Variants in PCDHGC3 observed in about 807,000 individuals in gnomAD.
PCDHGC3 encodes the protein protocadherin gamma subfamily C, 3, also known as protocadherin gamma-C3.
In PCDHGC3, 26 loss-of-function variants were observed where a neutral mutation model predicts 59.2. The observed-to-expected ratio is 0.44, with a 90% CI of 0.32 to 0.61. PCDHGC3 has a LOEUF of 0.61. Ranked by LOEUF, PCDHGC3 falls within the 20% of genes least tolerant of loss-of-function variation. The pLI, the probability that PCDHGC3 is intolerant of heterozygous loss-of-function variation, is 0.05. For synonymous variants in PCDHGC3, 487 were observed against 519.7 expected, an observed-to-expected ratio of 0.94 and a Z score of 0.86; for missense variants, 1,080 against 1,221.8, an observed-to-expected ratio of 0.88 and a Z score of 1.73.
In PCDHGC3 at chr5:141,491,856, C is replaced by A. The variant is rs754113958; in HGVS notation, c.2431-2951C>A. On this transcript the variant is annotated intron_variant, in intron 1 of 3. Coordinates refer to ENST00000308177, the MANE Select transcript of PCDHGC3 (RefSeq NM_002588.4). This position sits in a 1 kb window ranked among gnomAD's most constrained non-coding sequence, Gnocchi z 6.9. ...TCTCGGGATCATTGGACCGTTTGCG[C>A]GAAACCAGAGTGGCCGATTAAGGGA... 6.9e-7 allele frequency: 1 copy of A among 1,458,728 alleles called. No individual in the cohort carries two copies. The highest frequency in any genetic ancestry group is 9.1e-7 in the Non-Finnish European group (1 of 1,103,072). The allele number at this position is 1,458,728 out of a possible 1,614,324, so 90.4% of individuals were successfully genotyped here. A position where few individuals can be genotyped will look rare whatever the true frequency, so the allele number is the denominator to read the frequency against.
In PCDHGC3 at chr5:141,478,533, C is replaced by G; in HGVS notation, c.2417C>G (p.Ala806Gly). The G allele has an allele frequency of 6.2e-7, 1 of 1,608,070 alleles. No individual in the cohort carries two copies. The highest frequency in any genetic ancestry group is 1.3e-5 in the African/African-American group (1 of 74,956). ...AGGCAGGTGTTGGGTGCAGAGAGCG[C>G]CCCTCCCGGACAGGTAAGGTTTAGC... The part of the protein sequence containing the change: ...FYRQVLGAES[A>G]PPGQQAPPNT... Residue 806 changes from alanine (A) to glycine (G), a missense_variant, in exon 1 of 4, where the codon GCC becomes GGC. Physicochemically the swap from Ala to Gly is moderately conservative, Grantham distance 60 (BLOSUM62 0). Coordinates refer to ENST00000308177, the MANE Select transcript of PCDHGC3 (RefSeq NM_002588.4).
rs2099427993 is a variant in PCDHGC3, at chr5:141,477,978, T to C, written c.1862T>C (p.Ile621Thr). Reference sequence around the variant, plus strand: ...TCCCCTAACCAGAGCCTTTTTGCCATAGGGCTGCACACTGGTCAAATCAGT... The same window carrying C: ...TCCCCTAACCAGAGCCTTTTTGCCACAGGGCTGCACACTGGTCAAATCAGT... ...LGSPNQSLFA[I>T]GLHTGQISTA... Residue 621 changes from isoleucine to threonine, a missense_variant, in exon 1 of 4, where the codon ATA becomes ACA. Ile to Thr is a moderately conservative substitution (Grantham distance 89, BLOSUM62 -1). Coordinates refer to ENST00000308177, the MANE Select transcript of PCDHGC3 (RefSeq NM_002588.4). This position sits in a 1 kb window ranked among gnomAD's most constrained non-coding sequence, Gnocchi z 4.9. 6.2e-7 allele frequency: 1 copy of C among 1,614,120 alleles called. No individual in the cohort carries two copies. Among genetic ancestry groups the C allele is most frequent in the Non-Finnish European group, 8.5e-7 (1 of 1,180,022 alleles).
chr5:141,506,177 G>A (rs1024892091), intron 3 of PCDHGC3, among the ~76,000 whole-genome samples: 16 of 152,142 alleles, frequency 1.1e-4, no homozygotes, highest in Admixed American at 4.6e-4. Flanking sequence ...TAAGCTGGGC[G>A]TGGTGGCTCA....
chr5:141,477,184 C>T lies in PCDHGC3; in HGVS notation c.1068C>T (p.Ser356=). The change falls in exon 1 of 4, where the codon TCC becomes TCT. Residue 356 remains serine (S), a synonymous_variant. Coordinates refer to ENST00000308177, the MANE Select transcript of PCDHGC3 (RefSeq NM_002588.4). The surrounding 1 kb of genome is among the most constrained non-coding windows in gnomAD (Gnocchi z 4.9). ...ACGCCCCGGAGATCACAGTCACCTC[C>T]GTGTACAGCCCAGTACCCGAGGATG... ...NDNAPEITVT[S]VYSPVPEDAP... is the part of the protein sequence containing the mutation. The T allele has an allele frequency of 3.7e-6, 6 of 1,614,178 alleles. No individual in the cohort carries two copies. Among genetic ancestry groups the T allele is most frequent in the Non-Finnish European group, 5.1e-6 (6 of 1,180,032 alleles).
At chr5:141,480,956 C>G (rs2099528870) in intron 1 of PCDHGC3, among the ~76,000 whole-genome samples, 1 of 152,064 alleles carries the variant, frequency 6.6e-6, no homozygotes, top group South Asian at 2.1e-4. Flanking sequence ...GAGGCGGAAG[C>G]ATCAGTGAGG....
In PCDHGC3 at chr5:141,505,419, C is replaced by T; in HGVS notation, c.2516C>T (p.Thr839Ile). 3 of 1,614,258 alleles carry T rather than the reference C, an allele frequency of 1.9e-6. No homozygotes were observed. Among genetic ancestry groups the T allele is most frequent in the Non-Finnish European group, 2.5e-6 (3 of 1,180,054 alleles). Residue 839 changes from threonine to isoleucine, a missense_variant, in exon 3 of 4, where the codon ACC becomes ATC. By Grantham distance (89) the Thr-to-Ile change is moderately conservative. Transcript: ENST00000308177. The part of the protein sequence containing the change: ...SGSQNGDDTG[T>I]WPNNQFDTEM... ...TCCCAAAATGGCGATGACACCGGCA[C>T]CTGGCCCAACAACCAGTTTGACACA...
intron 2 of PCDHGC3, among the ~76,000 whole-genome samples, chr5:141,503,984 C>T (rs967348519): frequency 2.0e-5 from 3 of 152,184 alleles, no homozygotes; most frequent in African/African-American, 7.2e-5. Context: ...AACCCTTCTT[C>T]TTACCTTACA....
chr5:141,478,497 CGGTGTTCTATAGGCA>C lies in PCDHGC3; in HGVS notation c.2388_2402del (p.Phe796_Val800del). ...CAGAACACGCTGCGGAGCTGTGATC[CGGTGTTCTATAGGCA>C]GGTGTTGGGTGCAGAGAGCGCCCCT... On this transcript the variant is annotated inframe_deletion, in exon 1 of 4. Coordinates refer to ENST00000308177, the MANE Select transcript of PCDHGC3 (RefSeq NM_002588.4). 6.2e-7 allele frequency: 1 copy of C among 1,612,820 alleles called. No homozygotes were observed. The highest frequency in any genetic ancestry group is 1.1e-5 in the South Asian group (1 of 90,992).
rs2154581798 is a variant in PCDHGC3, at chr5:141,489,799, G to T, written c.2431-5008G>T. 1 of 1,614,192 alleles carries T rather than the reference G, an allele frequency of 6.2e-7. No homozygotes were observed. The highest frequency in any genetic ancestry group is 2.2e-5 in the East Asian group (1 of 44,884). On this transcript the variant is annotated intron_variant, in intron 1 of 3. Coordinates refer to ENST00000308177, the MANE Select transcript of PCDHGC3 (RefSeq NM_002588.4). The surrounding 1 kb of genome is among the most constrained non-coding windows in gnomAD (Gnocchi z 4.5). Reference sequence around the variant, plus strand: ...CTCTCTGAATGTGAAGACCCTAAAAGATGGGAAGCCATTCCCAGAGCTGGT... The same window carrying T: ...CTCTCTGAATGTGAAGACCCTAAAATATGGGAAGCCATTCCCAGAGCTGGT...
intron 2 of PCDHGC3, among the ~76,000 whole-genome samples, chr5:141,501,528 A>G (rs1173385747): frequency 6.6e-6 from 1 of 151,978 alleles, no homozygotes; most frequent in Non-Finnish European, 1.5e-5. Context: ...GAAGCCCAGT[A>G]CGTTGTTGTG....
rs750804901 is a variant in PCDHGC3 at position 141,476,422 on chromosome 5, C to G, written c.306C>G (p.Pro102=). Residue 102 remains proline (P), a synonymous_variant, in exon 1 of 4, where the codon CCC becomes CCG. Coordinates refer to ENST00000308177, the MANE Select transcript of PCDHGC3 (RefSeq NM_002588.4). The surrounding 1 kb of genome is among the most constrained non-coding windows in gnomAD (Gnocchi z 7.6). ...GAGAGGAGCTGTGTGGGACACTGCC[C>G]TCTTGCACTGTAACTCTGGAGTTGG... ...LDREELCGTL[P]SCTVTLELVV... 17 of 1,614,026 alleles carry G rather than the reference C, an allele frequency of 1.1e-5. No individual in the cohort carries two copies. The highest frequency in any genetic ancestry group is 1.4e-5 in the Non-Finnish European group (17 of 1,180,030).
In PCDHGC3 at chr5:141,490,108, C is replaced by A; in HGVS notation, c.2431-4699C>A. The A allele has an allele frequency of 6.2e-7, 1 of 1,614,244 alleles. No homozygotes were observed. The highest frequency in any genetic ancestry group is 8.5e-7 in the Non-Finnish European group (1 of 1,180,034). On this transcript the variant is annotated intron_variant, in intron 1 of 3. Transcript: ENST00000308177. This position sits in a 1 kb window ranked among gnomAD's most constrained non-coding sequence, Gnocchi z 5.4. The stretch of plus-strand genomic sequence containing the variant: ...TGGAGACCACACATCTGAGGCAGTG[C>A]GGAACCTCTTTGGCCTAGACCCTAG...
chr5:141,500,680 T>C (rs999167635), intron 2 of PCDHGC3, among the ~76,000 whole-genome samples: 7 of 152,224 alleles, frequency 4.6e-5, no homozygotes, highest in Non-Finnish European at 7.3e-5. Context: ...AACAGAATTA[T>C]AGCTTTTTTC....
chr5:141,494,745 G>C, intron 1 of PCDHGC3, 62 bp from the exon 2 acceptor site: 1 of 1,612,802 alleles, frequency 6.2e-7, no homozygotes, highest in Middle Eastern at 1.7e-4. Flanking sequence ...ATCCCTAGGG[G>C]CTCGGGTGAC....
In PCDHGC3 at chr5:141,489,071, CA is replaced by C; in HGVS notation, c.2431-5735del. 3.1e-6 allele frequency: 1 copy of C among 326,700 alleles called. No homozygotes were observed. Among genetic ancestry groups the C allele is most frequent in the East Asian group, 5.9e-5 (1 of 17,012 alleles). 20.2% of individuals were successfully genotyped at this position (326,700 alleles called of 1,614,324 possible). A position where few individuals can be genotyped will look rare whatever the true frequency, so the allele number is the denominator to read the frequency against. On this transcript the variant is annotated intron_variant, in intron 1 of 3. Transcript: ENST00000308177. This position sits in a 1 kb window ranked among gnomAD's most constrained non-coding sequence, Gnocchi z 4.5. Reference sequence around the variant, plus strand: ...AAATTCAGCTCCCCTCCCCCCTGCCCACCCCCGCCACTCGGTGACTAAGAAC... The same window carrying C: ...AAATTCAGCTCCCCTCCCCCCTGCCCCCCCCGCCACTCGGTGACTAAGAAC...
At position 141,478,155 on chromosome 5, in the gene PCDHGC3, G is replaced by A. The variant is rs138384601; in HGVS notation, c.2039G>A (p.Gly680Asp). ...SPEARAEFPS[G>D]SAPREQKKNL... is the part of the protein sequence containing the mutation. ...GAAGCCCGAGCCGAGTTCCCCTCTG[G>A]CTCTGCCCCCCGGGAGCAGAAAAAA... Residue 680 changes from glycine to aspartate, a missense_variant, in exon 1 of 4, where the codon GGC (glycine) becomes GAC (aspartate). By Grantham distance (94) the Gly-to-Asp change is moderately conservative. Transcript: ENST00000308177. 1 of 1,613,992 alleles carries A rather than the reference G, an allele frequency of 6.2e-7. No individual in the cohort carries two copies. Among genetic ancestry groups the A allele is most frequent in the Non-Finnish European group, 8.5e-7 (1 of 1,180,038 alleles).
rs749044339 is a variant in PCDHGC3, at chr5:141,477,410, G to A, written c.1294G>A (p.Ala432Thr). The change falls in exon 1 of 4, where the codon GCC becomes ACC. Residue 432 changes from alanine to threonine, a missense_variant. By Grantham distance (58) the Ala-to-Thr change is moderately conservative. Coordinates refer to ENST00000308177, the MANE Select transcript of PCDHGC3 (RefSeq NM_002588.4). This position sits in a 1 kb window ranked among gnomAD's most constrained non-coding sequence, Gnocchi z 4.9. ...CAACCTCAGCATCACCGCCCGAGAC[G>A]CCGGAACCCCTTCCCTCTCAGCCCT... ...EYNLSITARD[A>T]GTPSLSALTI... 66 of 1,613,988 alleles carry A rather than the reference G, an allele frequency of 4.1e-5. 1 individual carries two copies. The South Asian group carries it at 7.0e-4, about 17-fold the overall frequency.
rs777288812 is a variant in PCDHGC3 at position 141,487,236 on chromosome 5, G to A, written c.2431-7571G>A. The A allele has an allele frequency of 1.7e-5, 28 of 1,613,962 alleles. No homozygotes were observed. The highest frequency in any genetic ancestry group is 1.4e-4 in the South Asian group (13 of 91,070). On this transcript the variant is annotated intron_variant, in intron 1 of 3. Coordinates refer to ENST00000308177, the MANE Select transcript of PCDHGC3 (RefSeq NM_002588.4). This position sits in a 1 kb window ranked among gnomAD's most constrained non-coding sequence, Gnocchi z 5.0. ...TCAGCTCCAAGGGAAGGAGAATCTC[G>A]TCTAACCCTCTACTTGGCTGTGTCC... is the stretch of plus-strand genomic sequence containing the variant.
Position 141,478,401 on chromosome 5 carries a change from T to G in PCDHGC3, c.2285T>G (p.Leu762Arg). The G allele has an allele frequency of 6.2e-7, 1 of 1,613,480 alleles. No individual in the cohort carries two copies. The highest frequency in any genetic ancestry group is 1.1e-5 in the South Asian group (1 of 91,078). Residue 762 changes from leucine to arginine, a missense_variant, in exon 1 of 4, where the codon CTC (leucine) becomes CGC (arginine). Coordinates refer to ENST00000308177, the MANE Select transcript of PCDHGC3 (RefSeq NM_002588.4). ...CCGCACCTTTACCATCAGGTGTATC[T>G]CACCACGGACTCCCGCCGCAGCGAC... ...MSPHLYHQVYLTTDSRRSDPL... is the reference protein window; with the variant it reads ...MSPHLYHQVYRTTDSRRSDPL...
Sources: gnomAD v4.1 joint callset for allele counts (sites outside exome capture counted in the v4.1 genomes callset) on GRCh38, gnomAD v4.1.1 for gene constraint, Gnocchi (gnomAD v3.1) non-coding constraint, MANE v1.5 for transcripts, NCBI Gene and HGNC (gene_info 2026-07-23, HGNC 2026-07-21) for gene names.